Variants in PLD5 observed in about 807,000 individuals in gnomAD.
The protein encoded by PLD5 is inactive phospholipase D5.
In PLD5, 36 loss-of-function variants were observed where a neutral mutation model predicts 61.1. The ratio of observed to expected loss-of-function variants is 0.59; its 90% CI spans 0.45 to 0.78. The LOEUF is 0.78. PLD5 is among the 30% of genes least tolerant of loss of function. The pLI, the probability that PLD5 is intolerant of heterozygous loss-of-function variation, is 0.00. For missense variants in PLD5, 515 were observed against 644.4 expected (o/e 0.80, Z 2.17); for synonymous variants, 243 against 242.8 (o/e 1.00, Z -0.01).
At position 242,084,042 on chromosome 1, in the gene PLD5, A is replaced by G. The variant is rs1659351723; in HGVS notation, c.*5812T>C. On this transcript the variant is annotated 3_prime_UTR_variant, in exon 10 of 10. Coordinates refer to ENST00000536534, the MANE Select transcript of PLD5 (RefSeq NM_001372062.1). ...CAAAAGGAATGGGTTTGAGAGCCAG[A>G]TATCCACTTCATAAAAAGAGATCTT... The G allele has an allele frequency of 6.6e-6, 1 of 152,234 alleles. No homozygotes were observed. Among genetic ancestry groups the G allele is most frequent in the African/African-American group, 2.4e-5 (1 of 41,460 alleles). The allele number at this position is 152,234 out of a possible 1,614,324, so 9.4% of individuals were successfully genotyped here. A position where few individuals can be genotyped will look rare whatever the true frequency, so the allele number is the denominator to read the frequency against.
At chr1:242,227,044 G>A (rs74150867) in intron 4 of PLD5, among the ~76,000 whole-genome samples, 2 of 152,228 alleles carry the variant, frequency 1.3e-5, no homozygotes, top group Non-Finnish European at 2.9e-5. Context: ...TTTAAAAGGA[G>A]TATATTCTTG....
intron 5 of PLD5, among the ~76,000 whole-genome samples, chr1:242,125,105 C>G (rs1662683281): frequency 6.6e-6 from 1 of 152,132 alleles, no homozygotes; most frequent in Non-Finnish European, 1.5e-5. Context: ...GTTAATAGCT[C>G]CACAACTTTC....
chr1:242,100,168 A>G (rs184778009), intron 9 of PLD5, among the ~76,000 whole-genome samples: 1 of 152,338 alleles, frequency 6.6e-6, no homozygotes, highest in African/African-American at 2.4e-5. Context: ...CAGATGAGAA[A>G]ACTGAGGTTT....
intron 1 of PLD5, among the ~76,000 whole-genome samples, chr1:242,390,896 A>AT (rs909061872): frequency 3.3e-5 from 1 of 30,182 alleles, no homozygotes; most frequent in African/African-American, 1.8e-4. Flanking sequence ...TATGGTAGTC[A>AT]AAGTTGTGAC....
chr1:242,414,168 T>C (rs1182341237), intron 1 of PLD5, among the ~76,000 whole-genome samples: 2 of 152,136 alleles, frequency 1.3e-5, no homozygotes, highest in African/African-American at 2.4e-5. Context: ...CAAATTGGGA[T>C]TATGTGCTGA....
intron 1 of PLD5, among the ~76,000 whole-genome samples, chr1:242,451,755 C>T (rs1666788630): frequency 2.0e-5 from 3 of 152,102 alleles, no homozygotes; most frequent in Admixed American, 6.6e-5. Flanking sequence ...CCACCGCGCC[C>T]AGTCTAAAAT....
At chr1:242,372,473 C>T (rs993444145) in intron 1 of PLD5, among the ~76,000 whole-genome samples, 6 of 152,142 alleles carry the variant, frequency 3.9e-5, no homozygotes, top group East Asian at 1.9e-4. Flanking sequence ...AAAAAAGAGC[C>T]CGCATTGCCA....
intron 1 of PLD5, among the ~76,000 whole-genome samples, chr1:242,483,316 C>A (rs1281679381): frequency 6.6e-6 from 1 of 152,114 alleles, no homozygotes; most frequent in African/African-American, 2.4e-5. Context: ...GGAAACCCAT[C>A]TCACATGCAG....
At chr1:242,368,460 A>G (rs1249588949) in intron 1 of PLD5, among the ~76,000 whole-genome samples, 3 of 152,330 alleles carry the variant, frequency 2.0e-5, no homozygotes, top group South Asian at 2.1e-4. Flanking sequence ...GCTCTCTGCT[A>G]CAGAGAGGGG....
At chr1:242,486,858 A>C (rs1028836700) in intron 1 of PLD5, among the ~76,000 whole-genome samples, 2 of 152,182 alleles carry the variant, frequency 1.3e-5, no homozygotes, top group Non-Finnish European at 2.9e-5. Flanking sequence ...TGGCACATAT[A>C]CACCATGGAA....
intron 1 of PLD5, among the ~76,000 whole-genome samples, chr1:242,466,556 A>T (rs1293397059): frequency 6.6e-6 from 1 of 152,200 alleles, no homozygotes; most frequent in Non-Finnish European, 1.5e-5. Context: ...AAGTGAAAGA[A>T]GCCAGGCACA....
chr1:242,262,199 A>G (rs1282332549), intron 4 of PLD5, among the ~76,000 whole-genome samples: 2 of 152,178 alleles, frequency 1.3e-5, no homozygotes, highest in African/African-American at 4.8e-5. Flanking sequence ...AACTCAGCCA[A>G]AGAATCCAGA....
At chr1:242,215,980 C>A (rs1574537089) in intron 5 of PLD5, among the ~76,000 whole-genome samples, 1 of 152,216 alleles carries the variant, frequency 6.6e-6, no homozygotes, top group South Asian at 2.1e-4. Context: ...GTTATCTGGG[C>A]AGACACTCCC....
chr1:242,395,767 T>C (rs1558529207), intron 1 of PLD5, among the ~76,000 whole-genome samples: 1 of 152,168 alleles, frequency 6.6e-6, no homozygotes. Flanking sequence ...AAGGGGCTAC[T>C]GGCTGGGTGC....
chr1:242,100,799 AAG>A lies in PLD5; in HGVS notation c.1240-19_1240-18del. 3 of 1,551,160 alleles carry A rather than the reference AAG, an allele frequency of 1.9e-6. No homozygotes were observed. Among genetic ancestry groups the A allele is most frequent in the South Asian group, 2.2e-5 (2 of 89,344 alleles). ...AAAAAATTTCTGTAAGAAAAAAAAA[AAG>A]GGGGCAGGTAAATAAGAGGAACGTT... On this transcript the variant is annotated intron_variant, in intron 8 of 9. Coordinates refer to ENST00000536534, the MANE Select transcript of PLD5 (RefSeq NM_001372062.1).
chr1:242,115,293 C>A (rs570003165), intron 6 of PLD5, among the ~76,000 whole-genome samples: 1 of 152,312 alleles, frequency 6.6e-6, no homozygotes, highest in East Asian at 1.9e-4. Context: ...TTCCATGAAA[C>A]CAGTCCATGG....
At chr1:242,322,369 A>T (rs1658472969) in intron 2 of PLD5, among the ~76,000 whole-genome samples, 1 of 152,148 alleles carries the variant, frequency 6.6e-6, no homozygotes, top group Non-Finnish European at 1.5e-5. Context: ...TTTGTCCAAA[A>T]TCCACAGACT....
At chr1:242,247,138 C>G (rs529351488) in intron 4 of PLD5, among the ~76,000 whole-genome samples, 3 of 152,038 alleles carry the variant, frequency 2.0e-5, no homozygotes, top group Non-Finnish European at 4.4e-5. Flanking sequence ...CGCCCGCCAC[C>G]ATGCCCGGCT....
chr1:242,220,668 CTCT>C (rs1385574743), intron 4 of PLD5, among the ~76,000 whole-genome samples: 1 of 150,678 alleles, frequency 6.6e-6, no homozygotes, highest in Non-Finnish European at 1.5e-5. Flanking sequence ...TGGGTTTGGT[CTCT>C]TCTTCATCTT....
Sources: allele counts gnomAD v4.1 joint callset (sites outside exome capture counted in the v4.1 genomes callset), GRCh38; gene constraint gnomAD v4.1.1; transcripts MANE v1.5; gene names NCBI Gene and HGNC (gene_info 2026-07-23, HGNC 2026-07-21).